Variants in AMBRA1 observed in about 807,000 individuals in gnomAD.
The protein encoded by AMBRA1 is activating molecule in BECN1-regulated autophagy protein 1.
In AMBRA1, 47 loss-of-function variants were observed where a neutral mutation model predicts 125.4. That is an observed-to-expected ratio of 0.37 (90% CI 0.30 to 0.48). The LOEUF is 0.48. Ranked by LOEUF, AMBRA1 falls within the 20% of genes least tolerant of loss-of-function variation. The pLI is 0.99. For synonymous variants in AMBRA1, 626 were observed against 655.5 expected (o/e 0.95, Z 0.69); for missense variants, 1,331 against 1,693.4 (o/e 0.79, Z 3.76).
intron 14 of AMBRA1, among the ~76,000 whole-genome samples, chr11:46,431,843 C>G (rs1034239986): frequency 2.6e-5 from 4 of 152,180 alleles, no homozygotes; most frequent in Admixed American, 2.6e-4. Flanking sequence ...ACAATGACAT[C>G]TCCTATTCAC....
At position 46,474,801 on chromosome 11, in the gene AMBRA1, T is replaced by C. The variant is rs182138918; in HGVS notation, c.2521+18807A>G. 2.6e-3 allele frequency among the ~76,000 whole-genome samples: 395 copies of C among 152,154 alleles called. 2 individuals carry two copies. Among genetic ancestry groups the C allele is most frequent in the African/African-American group, 9.0e-3 (372 of 41,508 alleles). ...CCTATGGCTAGCAGGTAAAGTTAAG[T>C]TCAAGGAAAGAAATACAGTACTGGT... On this transcript the variant is annotated intron_variant, in intron 11 of 17. Transcript: ENST00000683756.
intron 14 of AMBRA1, among the ~76,000 whole-genome samples, chr11:46,426,039 C>A (rs112060320): frequency 0.073 from 10,874 of 148,260 alleles, 598 homozygotes; most frequent in Middle Eastern, 0.12. Flanking sequence ...CCCAGCTACT[C>A]GGGAGGCTGA....
At chr11:46,437,318 A>G (rs1215546319) in intron 12 of AMBRA1, among the ~76,000 whole-genome samples, 1 of 152,176 alleles carries the variant, frequency 6.6e-6, no homozygotes, top group Non-Finnish European at 1.5e-5. Flanking sequence ...CTATCTCCCA[A>G]ATTCTGCCCT....
intron 11 of AMBRA1, among the ~76,000 whole-genome samples, chr11:46,485,444 C>T (rs189479489): frequency 9.2e-5 from 14 of 152,350 alleles, no homozygotes; most frequent in Admixed American, 7.8e-4. Flanking sequence ...CAGGCTTACA[C>T]CCCACCTCCC....
intron 14 of AMBRA1, chr11:46,428,731 G>T: frequency 1.2e-6 from 2 of 1,608,944 alleles, no homozygotes; most frequent in Non-Finnish European, 1.7e-6. Context: ...CCCCAGCCTC[G>T]GCTTTCTTGT....
At position 46,443,510 on chromosome 11, in the gene AMBRA1, A is replaced by C; in HGVS notation, c.2610T>G (p.Phe870Leu). 6.2e-7 allele frequency: 1 copy of C among 1,614,146 alleles called. No homozygotes were observed. The highest frequency in any genetic ancestry group is 8.5e-7 in the Non-Finnish European group (1 of 1,179,956). ...TACCATTACTGATTTCAGGGAGGTC[A>C]AACTTAGTGAAGTCCCACCACTGGA... ...YRLQWWDFTK[F>L]DLPEISNASV... Residue 870 changes from phenylalanine to leucine, a missense_variant, in exon 12 of 18, where the codon TTT becomes TTG. Physicochemically the swap from Phe to Leu is conservative, Grantham distance 22. This residue lies in a region of AMBRA1 where 354 missense variants were observed against 532.7 expected (regional missense o/e 0.66). Transcript: ENST00000683756.
chr11:46,540,104 T>C (rs1052555725), intron 7 of AMBRA1, among the ~76,000 whole-genome samples: 1 of 152,188 alleles, frequency 6.6e-6, no homozygotes, highest in African/African-American at 2.4e-5. Context: ...AGTTCTTGGA[T>C]GACAGGCGTG....
intron 11 of AMBRA1, among the ~76,000 whole-genome samples, chr11:46,478,256 C>T (rs1011643032): frequency 6.6e-5 from 10 of 152,186 alleles, no homozygotes; most frequent in African/African-American, 2.4e-4. Flanking sequence ...AATTCCTTGC[C>T]TTAGTTTTTA....
chr11:46,591,871 CA>C, intron 1 of AMBRA1, among the ~76,000 whole-genome samples: 1 of 150,268 alleles, frequency 6.7e-6, no homozygotes, highest in Middle Eastern at 3.5e-3. Flanking sequence ...AACACACACA[CA>C]AAAAAACGCT....
intron 11 of AMBRA1, among the ~76,000 whole-genome samples, chr11:46,463,762 A>T (rs1454654327): frequency 6.6e-6 from 1 of 152,202 alleles, no homozygotes; most frequent in Non-Finnish European, 1.5e-5. Context: ...GGCCCTAAGA[A>T]ATTGATGGTT....
At chr11:46,449,205 C>A (rs559097376) in intron 11 of AMBRA1, among the ~76,000 whole-genome samples, 1 of 152,180 alleles carries the variant, frequency 6.6e-6, no homozygotes, top group East Asian at 1.9e-4. Flanking sequence ...CAGAAACCAC[C>A]CCCCACCGCA....
chr11:46,543,505 T>G, intron 6 of AMBRA1, 107 bp from the exon 7 acceptor site: 1 of 1,418,200 alleles, frequency 7.1e-7, no homozygotes, highest in Admixed American at 2.4e-5. Flanking sequence ...AGGAAAACAA[T>G]GTTCATAGGT....
chr11:46,542,403 A>T lies in AMBRA1; in HGVS notation c.1614T>A (p.Ile538=). The part of the protein sequence containing the change: ...QQAQEMLNNN[I]ESERPGPSHQ... ...GGGAAGGGCCTGGCCTCTCAGATTC[A>T]ATGTTATTGTTGAGCATTTCCTGGG... is the stretch of plus-strand genomic sequence containing the variant. Residue 538 remains isoleucine (I), a synonymous_variant, in exon 7 of 18, where the codon ATT becomes ATA. Coordinates refer to ENST00000683756, the MANE Select transcript of AMBRA1 (RefSeq NM_001387011.1). This position sits in a 1 kb window ranked among gnomAD's most constrained non-coding sequence, Gnocchi z 5.9. 1 of 1,613,982 alleles carries T rather than the reference A, an allele frequency of 6.2e-7. No homozygotes were observed.
At chr11:46,488,824 G>T (rs1369209644) in intron 11 of AMBRA1, among the ~76,000 whole-genome samples, 1 of 152,146 alleles carries the variant, frequency 6.6e-6, no homozygotes, top group Admixed American at 6.5e-5. Flanking sequence ...CAAAATATGG[G>T]AAAATTCAAC....
intron 9 of AMBRA1, among the ~76,000 whole-genome samples, chr11:46,505,565 A>G (rs1951002204): frequency 6.6e-6 from 1 of 151,292 alleles, no homozygotes; most frequent in South Asian, 2.1e-4. Flanking sequence ...AAATCAGTCC[A>G]TTGTTACTAA....
chr11:46,486,512 C>T (rs563460243), intron 11 of AMBRA1, among the ~76,000 whole-genome samples: 1 of 152,272 alleles, frequency 6.6e-6, no homozygotes, highest in Admixed American at 6.5e-5. Flanking sequence ...ATGCCCACCC[C>T]AGTTGACTAA....
rs368729337 is a variant in AMBRA1 at position 46,414,167 on chromosome 11, G to C, written c.3116+3746C>G. On this transcript the variant is annotated intron_variant, in intron 15 of 17. Transcript: ENST00000683756. ...TGGCTCTGAACTTCCCAACTTCTTG[G>C]GACCATTCCCTTGGATAACATTCTT... Among the ~76,000 whole-genome samples, 14 of 152,116 alleles carry C rather than the reference G, an allele frequency of 9.2e-5. 1 individual carries two copies. Among genetic ancestry groups the C allele is most frequent in the Admixed American group, 5.9e-4 (9 of 15,252 alleles).
chr11:46,472,330 C>T (rs1290049366), intron 11 of AMBRA1, among the ~76,000 whole-genome samples: 2 of 152,220 alleles, frequency 1.3e-5, no homozygotes, highest in Non-Finnish European at 2.9e-5. Context: ...ACTGGAACAT[C>T]TAAAGTTGGC....
At chr11:46,406,228 G>A (rs7924695) in intron 17 of AMBRA1, among the ~76,000 whole-genome samples, 149,777 of 151,556 alleles carry the variant, frequency 0.99, 74,042 homozygotes, top group East Asian at 1. Flanking sequence ...TAATTTTTGT[G>A]TTTTTAGTAG....
Sources: allele counts gnomAD v4.1 joint callset (sites outside exome capture counted in the v4.1 genomes callset), GRCh38; gene constraint gnomAD v4.1.1; regional missense constraint gnomAD v4.1.1; non-coding constraint Gnocchi (gnomAD v3.1); transcripts MANE v1.5; gene names NCBI Gene and HGNC (gene_info 2026-07-23, HGNC 2026-07-21).